CTXND2: variants seen among roughly 807,000 people sequenced by gnomAD.
CTXND2 encodes cortexin domain containing 2.
At chr1:150,887,982 G>T (rs1668794560) in intron 1 of CTXND2, among the ~76,000 whole-genome samples, 1 of 151,762 alleles carries the variant, frequency 6.6e-6, no homozygotes, top group South Asian at 2.1e-4. Context: ...TAAACCAATA[G>T]CTTCACACCA....
intron 1 of CTXND2, among the ~76,000 whole-genome samples, chr1:150,907,970 A>C (rs970264086): frequency 1.3e-5 from 2 of 151,022 alleles, no homozygotes; most frequent in East Asian, 1.9e-4. Context: ...TGGCCTCCCA[A>C]AGTGCTGGGA....
chr1:150,892,257 A>G (rs1483485797), intron 1 of CTXND2, among the ~76,000 whole-genome samples: 6 of 152,182 alleles, frequency 3.9e-5, no homozygotes, highest in East Asian at 1.9e-4. Context: ...TTCCTTTTAC[A>G]TATAACTAAA....
intron 1 of CTXND2, among the ~76,000 whole-genome samples, chr1:150,900,301 C>T (rs1004795303): frequency 6.6e-6 from 1 of 151,966 alleles, no homozygotes; most frequent in Non-Finnish European, 1.5e-5. Context: ...AGCTGTAACA[C>T]TCACTGCGAA....
At chr1:150,910,453 CA>C (rs1056251826) in intron 1 of CTXND2, among the ~76,000 whole-genome samples, 2 of 151,256 alleles carry the variant, frequency 1.3e-5, no homozygotes, top group Admixed American at 6.6e-5. Context: ...TCTGTTGAAA[CA>C]AAAAAAACTA....
intron 1 of CTXND2, 46 bp from the exon 2 acceptor site, chr1:150,912,196 C>T: frequency 2.5e-6 from 1 of 397,176 alleles, no homozygotes. Flanking sequence ...TAAGAAAACA[C>T]ATACACACAC....
In CTXND2 at chr1:150,908,838, G is replaced by T. The variant is rs186286077; in HGVS notation, c.-73-3404G>T. On this transcript the variant is annotated intron_variant, in intron 1 of 1. Transcript: ENST00000636087. ...AAGGTATCTCCTTACTACCCAGGCT[G>T]GTCTCAAACTCCTGACCTCAAGTGA... Among the ~76,000 whole-genome samples, 351 of 151,546 alleles carry T rather than the reference G, an allele frequency of 2.3e-3. 3 individuals carry two copies. Among genetic ancestry groups the T allele is most frequent in the African/African-American group, 8.2e-3 (337 of 41,348 alleles).
chr1:150,900,366 G>A (rs1317090061), intron 1 of CTXND2, among the ~76,000 whole-genome samples: 1 of 152,076 alleles, frequency 6.6e-6, no homozygotes, highest in Non-Finnish European at 1.5e-5. Flanking sequence ...CTGGAAGGAA[G>A]AAAGTCCAGA....
intron 1 of CTXND2, among the ~76,000 whole-genome samples, chr1:150,895,325 A>G (rs923439168): frequency 2.0e-5 from 3 of 151,634 alleles, no homozygotes; most frequent in African/African-American, 7.3e-5. Context: ...GTTTGGGGAA[A>G]TCTTTTTTTT....
chr1:150,909,480 C>T (rs1047296665), intron 1 of CTXND2, among the ~76,000 whole-genome samples: 1 of 152,056 alleles, frequency 6.6e-6, no homozygotes, highest in African/African-American at 2.4e-5. Context: ...TCAATTTAGC[C>T]TGGGAGGTCG....
chr1:150,890,750 G>A (rs963549642), intron 1 of CTXND2, among the ~76,000 whole-genome samples: 1 of 151,994 alleles, frequency 6.6e-6, no homozygotes, highest in East Asian at 1.9e-4. Flanking sequence ...TGATCCACCC[G>A]CCTCGGCACC....
chr1:150,899,801 C>T (rs1668968335), intron 1 of CTXND2, among the ~76,000 whole-genome samples: 1 of 152,132 alleles, frequency 6.6e-6, no homozygotes, highest in South Asian at 2.1e-4. Context: ...ACTAAAAATA[C>T]AAAACACCAG....
chr1:150,897,086 T>C (rs765834900), intron 1 of CTXND2, among the ~76,000 whole-genome samples: 1 of 151,688 alleles, frequency 6.6e-6, no homozygotes, highest in South Asian at 2.1e-4. Context: ...GACAGAGAGG[T>C]AAGAAATAAG....
intron 1 of CTXND2, among the ~76,000 whole-genome samples, chr1:150,907,190 T>C (rs587675382): frequency 6.6e-6 from 1 of 152,344 alleles, no homozygotes; most frequent in African/African-American, 2.4e-5. Flanking sequence ...TATTAAGATA[T>C]AATTCACATA....
chr1:150,891,830 T>C (rs1435184943), intron 1 of CTXND2, among the ~76,000 whole-genome samples: 1 of 152,218 alleles, frequency 6.6e-6, no homozygotes, highest in Non-Finnish European at 1.5e-5. Flanking sequence ...CTCAATTCAA[T>C]TCATGTGTTG....
chr1:150,911,087 A>C (rs1048873222), intron 1 of CTXND2, among the ~76,000 whole-genome samples: 6 of 150,542 alleles, frequency 4.0e-5, no homozygotes, highest in African/African-American at 1.5e-4. Flanking sequence ...TACAGGCATG[A>C]GCCATCGTGC....
At chr1:150,898,816 G>A (rs1445916670) in intron 1 of CTXND2, among the ~76,000 whole-genome samples, 7 of 149,198 alleles carry the variant, frequency 4.7e-5, no homozygotes, top group South Asian at 4.2e-4. Context: ...GGTGGCTCAC[G>A]CCTGCAATCC....
chr1:150,897,485 G>A (rs587688833), intron 1 of CTXND2, among the ~76,000 whole-genome samples: 97 of 152,106 alleles, frequency 6.4e-4, no homozygotes, highest in African/African-American at 2.1e-3. Context: ...CCACCACACC[G>A]GCTAACTTTT....
intron 1 of CTXND2, among the ~76,000 whole-genome samples, chr1:150,900,515 T>C (rs745812094): frequency 6.6e-6 from 1 of 152,104 alleles, no homozygotes; most frequent in Admixed American, 6.6e-5. Flanking sequence ...CTCGACACAA[T>C]GGTAGGCACC....
intron 1 of CTXND2, among the ~76,000 whole-genome samples, chr1:150,900,639 C>T (rs926917892): frequency 7.0e-6 from 1 of 143,594 alleles, no homozygotes; most frequent in Non-Finnish European, 1.5e-5. Context: ...CAGAGCAAGA[C>T]TTTCTCAAAA....
Sources: allele counts gnomAD v4.1 joint callset (sites outside exome capture counted in the v4.1 genomes callset), GRCh38; gene constraint gnomAD v4.1.1; transcripts MANE v1.5; gene names NCBI Gene and HGNC (gene_info 2026-07-23, HGNC 2026-07-21).